The following ARHGEF10 variants were observed in gnomAD, a reference collection of about 807,000 sequenced individuals.
ARHGEF10 encodes Rho guanine nucleotide exchange factor 10.
A neutral mutation model predicts 147.4 loss-of-function variants in ARHGEF10; 140 were observed. The ratio of observed to expected loss-of-function variants is 0.95; its 90% CI spans 0.83 to 1.09. The LOEUF (loss-of-function observed/expected upper bound fraction) is 1.09. Among genes scored for constraint, ARHGEF10 ranks in the 50% least tolerant of loss-of-function variants. The pLI is 0.00. For missense variants in ARHGEF10, 2,222 were observed against 1,752.7 expected (o/e 1.27, Z -4.78); for synonymous variants, 902 against 695.8 (o/e 1.30, Z -4.67).
At chr8:1,828,880 A>G (rs1408232013) in intron 1 of ARHGEF10, among the ~76,000 whole-genome samples, 1 of 145,862 alleles carries the variant, frequency 6.9e-6, no homozygotes, top group Admixed American at 7.0e-5. Context: ...GTTTTATTCT[A>G]TCGTTTGCTT....
At chr8:1,839,197 G>C (rs576769598) in intron 1 of ARHGEF10, among the ~76,000 whole-genome samples, 1 of 138,732 alleles carries the variant, frequency 7.2e-6, no homozygotes, top group South Asian at 2.4e-4. Flanking sequence ...TCTGATGTGG[G>C]GACTGTTTTG....
At chr8:1,894,730 G>A (rs1304845465) in intron 13 of ARHGEF10, among the ~76,000 whole-genome samples, 158 bp downstream of exon 13, 3 of 152,204 alleles carry the variant, frequency 2.0e-5, no homozygotes, top group South Asian at 2.1e-4. Context: ...CTGGCCAAGC[G>A]TGTGCGCTAG....
At chr8:1,849,110 A>C (rs953822327) in intron 2 of ARHGEF10, among the ~76,000 whole-genome samples, 19 of 152,360 alleles carry the variant, frequency 1.2e-4, no homozygotes, top group Admixed American at 4.6e-4. Context: ...ACTAAATTTT[A>C]AACTAAACTT....
intron 15 of ARHGEF10, among the ~76,000 whole-genome samples, chr8:1,899,796 C>T (rs767940422): frequency 1.3e-5 from 2 of 152,228 alleles, no homozygotes; most frequent in Admixed American, 6.5e-5. Context: ...CTGTTGGCTT[C>T]CGGCAAGCAG....
At chr8:1,944,899 G>A (rs985036497) in intron 26 of ARHGEF10, among the ~76,000 whole-genome samples, 4 of 152,240 alleles carry the variant, frequency 2.6e-5, no homozygotes, top group Admixed American at 1.3e-4. Context: ...GTGGGGTGAC[G>A]AGGGCCCAGG....
At chr8:1,843,466 G>T (rs1350023467) in intron 2 of ARHGEF10, 30 bp downstream of exon 2, 1 of 1,561,890 alleles carries the variant, frequency 6.4e-7, no homozygotes, top group Non-Finnish European at 8.8e-7. Context: ...GGGCCTGTGG[G>T]TCAGGTTGTG....
At chr8:1,880,026 A>G in intron 8 of ARHGEF10, 22 bp from the exon 9 acceptor site, 2 of 1,529,110 alleles carry the variant, frequency 1.3e-6, no homozygotes. Context: ...TTGTGAAAAG[A>G]CTGTGTCTCT....
chr8:1,914,145 C>G (rs1053084459), intron 18 of ARHGEF10, among the ~76,000 whole-genome samples: 2 of 152,202 alleles, frequency 1.3e-5, no homozygotes, highest in Non-Finnish European at 2.9e-5. Context: ...AGAAGTGAGC[C>G]CGGCCGAAGG....
intron 18 of ARHGEF10, among the ~76,000 whole-genome samples, chr8:1,911,669 T>C (rs1811367340): frequency 6.6e-6 from 1 of 152,196 alleles, no homozygotes; most frequent in South Asian, 2.1e-4. Context: ...GACAGTCTCT[T>C]GTTAGCATTG....
intron 1 of ARHGEF10, among the ~76,000 whole-genome samples, chr8:1,835,267 C>T (rs554573340): frequency 5.4e-4 from 82 of 152,300 alleles, no homozygotes; most frequent in Non-Finnish European, 7.8e-4. Flanking sequence ...AAGTGAAGAG[C>T]GGGGCACTTC....
chr8:1,842,453 C>G (rs888944775), intron 1 of ARHGEF10, among the ~76,000 whole-genome samples: 1 of 152,180 alleles, frequency 6.6e-6, no homozygotes, highest in Admixed American at 6.5e-5. Context: ...TTGAATAGTA[C>G]GTGAGGCCGG....
Position 1,835,119 on chromosome 8 carries a change from C to T in ARHGEF10, c.-47-8234C>T, listed in dbSNP as rs371068575. On this transcript the variant is annotated intron_variant, in intron 1 of 28. Transcript: ENST00000349830. ...CATCCCACGCTCCTGCATTCTGTGG[C>T]GCAGACACAGGATGTGGGTGGTTCA... Among the ~76,000 whole-genome samples the T allele has an allele frequency of 7.9e-4, 121 of 152,358 alleles. 1 individual carries two copies. Among genetic ancestry groups the T allele is most frequent in the Admixed American group, 3.9e-3 (59 of 15,310 alleles).
intron 18 of ARHGEF10, among the ~76,000 whole-genome samples, chr8:1,915,874 A>G (rs60529472): frequency 0.082 from 12,419 of 152,268 alleles, 629 homozygotes; most frequent in African/African-American, 0.15. Context: ...AACGGCCTGT[A>G]TAGCTGACCT....
At chr8:1,834,932 C>T (rs753296482) in intron 1 of ARHGEF10, among the ~76,000 whole-genome samples, 9 of 152,194 alleles carry the variant, frequency 5.9e-5, no homozygotes, top group Non-Finnish European at 1.3e-4. Flanking sequence ...CCCAAGCTCC[C>T]GGGGTCTGTC....
intron 2 of ARHGEF10, among the ~76,000 whole-genome samples, chr8:1,851,114 ACGCCTGTC>A (rs1356715448): frequency 3.1e-4 from 47 of 152,162 alleles, no homozygotes; most frequent in African/African-American, 5.1e-4. Flanking sequence ...ATGTCATTAC[ACGCCTGTC>A]CAAACCCATA....
intron 7 of ARHGEF10, among the ~76,000 whole-genome samples, chr8:1,874,288 A>G (rs1807451660): frequency 1.3e-5 from 2 of 152,194 alleles, no homozygotes; most frequent in Middle Eastern, 3.2e-3. Flanking sequence ...CTGAGTTCTA[A>G]CAGACCTAAG....
At chr8:1,932,595 A>T (rs1007774436) in intron 25 of ARHGEF10, among the ~76,000 whole-genome samples, 1 of 152,214 alleles carries the variant, frequency 6.6e-6, no homozygotes, top group Non-Finnish European at 1.5e-5. Context: ...CCCTGTGCAG[A>T]TATTACAAAG....
At chr8:1,912,901 C>T (rs894837840) in intron 18 of ARHGEF10, among the ~76,000 whole-genome samples, 2 of 152,216 alleles carry the variant, frequency 1.3e-5, no homozygotes, top group African/African-American at 4.8e-5. Flanking sequence ...CGTGAGCCGT[C>T]AGTTGCTCTG....
intron 11 of ARHGEF10, among the ~76,000 whole-genome samples, chr8:1,890,191 GAAT>G (rs1397145802): frequency 2.5e-5 from 3 of 120,550 alleles, no homozygotes; most frequent in Admixed American, 7.8e-5. Flanking sequence ...AGGAGACACT[GAAT>G]AGGGTGAGGG....
Sources: gnomAD v4.1 joint callset for allele counts (sites outside exome capture counted in the v4.1 genomes callset) on GRCh38, gnomAD v4.1.1 for gene constraint, MANE v1.5 for transcripts, NCBI Gene and HGNC (gene_info 2026-07-23, HGNC 2026-07-21) for gene names.